Variants in CCNY observed in about 807,000 individuals in gnomAD.
CCNY encodes the protein cyclin Y.
In CCNY, 19 loss-of-function variants were observed where a neutral mutation model predicts 42.8. That is an observed-to-expected ratio of 0.44 (90% CI 0.31 to 0.65). The LOEUF (loss-of-function observed/expected upper bound fraction) is 0.65. Ranked by LOEUF, CCNY falls within the 30% of genes least tolerant of loss-of-function variation. The probability of loss-of-function intolerance (pLI) is 0.07; values close to 1 mark genes in which losing one functional copy is unlikely to be tolerated. For missense variants in CCNY, 370 were observed against 437.3 expected, an observed-to-expected ratio of 0.85 and a Z score of 1.37; for synonymous variants, 165 against 162.7, an observed-to-expected ratio of 1.01 and a Z score of -0.11.
In CCNY at chr10:35,534,215, G is replaced by A. The variant is rs1176348621; in HGVS notation, c.579+3972G>A. Reference sequence around the variant, plus strand: ...TTTTCTTGAATTTTTAGTAGAGAAGGGGGTTTCACCATGTTGGCCAGGCTG... The same window carrying A: ...TTTTCTTGAATTTTTAGTAGAGAAGAGGGTTTCACCATGTTGGCCAGGCTG... On this transcript the variant is annotated intron_variant, in intron 7 of 9. Coordinates refer to ENST00000374704, the MANE Select transcript of CCNY (RefSeq NM_145012.6). 2.0e-5 allele frequency among the ~76,000 whole-genome samples: 3 copies of A among 152,196 alleles called. No individual in the cohort carries two copies. In the East Asian group the frequency reaches 5.8e-4, roughly 29 times the overall value.
At chr10:35,419,821 C>G (rs1838119511) in intron 1 of CCNY, among the ~76,000 whole-genome samples, 1 of 151,582 alleles carries the variant, frequency 6.6e-6, no homozygotes, top group Non-Finnish European at 1.5e-5. Flanking sequence ...ACTTTTAGGT[C>G]ATTCATACAG....
At chr10:35,529,715 A>AG (rs956279008) in intron 5 of CCNY, among the ~76,000 whole-genome samples, 47 of 151,670 alleles carry the variant, frequency 3.1e-4, no homozygotes, top group African/African-American at 1.1e-3. Context: ...ATACAAAAAA[A>AG]AAAAATTAGC....
At chr10:35,359,077 G>A (rs757681432) in intron 1 of CCNY, among the ~76,000 whole-genome samples, 9 of 152,218 alleles carry the variant, frequency 5.9e-5, no homozygotes. Flanking sequence ...TGGCTTATTA[G>A]GTAAGTGCGG....
At chr10:35,561,448 C>T (rs756076168) in intron 8 of CCNY, among the ~76,000 whole-genome samples, 16 of 152,162 alleles carry the variant, frequency 1.1e-4, no homozygotes, top group Non-Finnish European at 2.2e-4. Context: ...ATACTGTACG[C>T]GTTGTTTTAA....
intron 1 of CCNY, among the ~76,000 whole-genome samples, chr10:35,445,075 G>T (rs1838761426): frequency 6.6e-6 from 1 of 152,252 alleles, no homozygotes; most frequent in Admixed American, 6.5e-5. Context: ...GGTGGCAGAA[G>T]AGTTCACATC....
intron 3 of CCNY, among the ~76,000 whole-genome samples, chr10:35,295,230 CTT>C (rs66667305): frequency 2.5e-3 from 372 of 147,714 alleles, no homozygotes; most frequent in East Asian, 8.4e-3. Context: ...CCCTATAATA[CTT>C]TTTTTTTTTT....
At chr10:35,420,313 G>C (rs1838132649) in intron 1 of CCNY, among the ~76,000 whole-genome samples, 1 of 152,162 alleles carries the variant, frequency 6.6e-6, no homozygotes, top group Admixed American at 6.5e-5. Flanking sequence ...GTGAGCAGTG[G>C]AGGTGGAGTG....
chr10:35,342,629 A>G (rs1432776468), intron 1 of CCNY, among the ~76,000 whole-genome samples: 1 of 152,224 alleles, frequency 6.6e-6, no homozygotes, highest in Admixed American at 6.5e-5. Flanking sequence ...CATGCAGATC[A>G]TGGATGATGG....
intron 1 of CCNY, among the ~76,000 whole-genome samples, chr10:35,452,937 CAT>C (rs769773469): frequency 3.2e-4 from 49 of 152,082 alleles, no homozygotes; most frequent in Non-Finnish European, 6.3e-4. Flanking sequence ...ATTTGTATGA[CAT>C]ATAATTGTGG....
chr10:35,272,996 T>C (rs1328609180), intron 3 of CCNY, among the ~76,000 whole-genome samples: 1 of 152,054 alleles, frequency 6.6e-6, no homozygotes, highest in East Asian at 1.9e-4. Flanking sequence ...ACTGTGGTTT[T>C]GATTTGCCTT....
chr10:35,454,152 A>T (rs1179215942), intron 1 of CCNY, among the ~76,000 whole-genome samples: 2 of 152,138 alleles, frequency 1.3e-5, no homozygotes, highest in Admixed American at 1.3e-4. Flanking sequence ...TCCTGGCAGT[A>T]CCTGAGTGAG....
chr10:35,503,300 AGTT>A, intron 3 of CCNY, among the ~76,000 whole-genome samples: 1 of 152,184 alleles, frequency 6.6e-6, no homozygotes, highest in East Asian at 1.9e-4. Context: ...GAAATCACAC[AGTT>A]GTTGAGATCT....
At chr10:35,253,429 T>A (rs2095713347) in intron 3 of CCNY, among the ~76,000 whole-genome samples, 1 of 144,748 alleles carries the variant, frequency 6.9e-6, no homozygotes, top group African/African-American at 2.6e-5. Context: ...TTTTTTTTTT[T>A]TTTTTTTTTT....
rs529297683 is a variant in CCNY at position 35,272,553 on chromosome 10, G to C, written c.-9+21927G>C. Among the ~76,000 whole-genome samples the C allele has an allele frequency of 2.0e-5, 3 of 152,290 alleles. No individual in the cohort carries two copies. In the East Asian group the frequency reaches 5.8e-4, roughly 29 times the overall value. ...TTCTGTTCCTGCGTTAGTTTGCTAA[G>C]GATAATGGCCTTCAGCTGTATCTGT... is the stretch of plus-strand genomic sequence containing the variant. On this transcript the variant is annotated intron_variant, in intron 3 of 11. Coordinates refer to the CCNY transcript ENST00000374706.
chr10:35,523,386 CTG>C (rs1382568221), intron 4 of CCNY, among the ~76,000 whole-genome samples: 5 of 152,178 alleles, frequency 3.3e-5, no homozygotes, highest in African/African-American at 1.2e-4. Flanking sequence ...ACAAAAGAGA[CTG>C]TGTGTAGAGT....
chr10:35,364,649 A>C (rs1184309727), intron 1 of CCNY, among the ~76,000 whole-genome samples: 1 of 152,216 alleles, frequency 6.6e-6, no homozygotes, highest in Non-Finnish European at 1.5e-5. Flanking sequence ...CATTACCTGC[A>C]TTAATATATT....
chr10:35,471,541 T>G (rs1046409600), intron 1 of CCNY, among the ~76,000 whole-genome samples: 1 of 152,106 alleles, frequency 6.6e-6, no homozygotes, highest in Non-Finnish European at 1.5e-5. Flanking sequence ...GAAAATGAGG[T>G]TGACCAGTAT....
At chr10:35,318,979 T>C (rs1200139284) in intron 3 of CCNY, among the ~76,000 whole-genome samples, 1 of 152,194 alleles carries the variant, frequency 6.6e-6, no homozygotes, top group Non-Finnish European at 1.5e-5. Flanking sequence ...GTTTATTTTT[T>C]TGAGACAGAG....
chr10:35,397,349 T>C (rs1417883735), intron 1 of CCNY, among the ~76,000 whole-genome samples: 1 of 152,232 alleles, frequency 6.6e-6, no homozygotes, highest in East Asian at 1.9e-4. Context: ...CCCTAACCTT[T>C]ATAATTATTC....
Sources: gnomAD v4.1 joint callset for allele counts (sites outside exome capture counted in the v4.1 genomes callset) on GRCh38, gnomAD v4.1.1 for gene constraint, MANE v1.5 for transcripts, NCBI Gene and HGNC (gene_info 2026-07-23, HGNC 2026-07-21) for gene names.